ACAD11: variants seen among roughly 807,000 people sequenced by gnomAD.
The protein encoded by ACAD11 is acyl-Coenzyme A dehydrogenase family, member 11.
ACAD11 carries 83 observed loss-of-function variants against 102.2 expected under a neutral mutation model. The observed-to-expected ratio is 0.81, with a 90% CI of 0.68 to 0.97. The LOEUF is 0.97. ACAD11 is among the 50% of genes least tolerant of loss of function. The probability of loss-of-function intolerance (pLI) is 0.00; values close to 1 mark genes in which losing one functional copy is unlikely to be tolerated. For missense variants in ACAD11, 901 were observed against 951.7 expected (o/e 0.95, Z 0.70); for synonymous variants, 324 against 319.8 (o/e 1.01, Z -0.14).
At chr3:132,649,457 A>C (rs545284233) in intron 1 of ACAD11, among the ~76,000 whole-genome samples, 1 of 152,310 alleles carries the variant, frequency 6.6e-6, no homozygotes, top group South Asian at 2.1e-4. Context: ...GAAAAGCATA[A>C]ATCTGGCCTA....
chr3:132,639,998 T>TCACACA lies in ACAD11; in HGVS notation c.538-348_538-343dup, dbSNP rs539317705. Among the ~76,000 whole-genome samples the TCACACA allele has an allele frequency of 2.6e-3, 378 of 147,148 alleles. 2 individuals carry two copies. The highest frequency in any genetic ancestry group is 9.0e-3 in the African/African-American group (362 of 40,438). On this transcript the variant is annotated intron_variant, in intron 4 of 19. Transcript: ENST00000264990. ...CACACACGCACACACACACTCTCTC[T>TCACACA]CACACACACACACACACACACAAAT... is the stretch of plus-strand genomic sequence containing the variant.
chr3:132,573,117 C>T (rs1213930940), intron 17 of ACAD11, among the ~76,000 whole-genome samples: 1 of 152,090 alleles, frequency 6.6e-6, no homozygotes, highest in African/African-American at 2.4e-5. Flanking sequence ...GTGTGTTGTT[C>T]CCCTCCCCAT....
At chr3:132,640,976 T>G (rs1232682467) in intron 4 of ACAD11, among the ~76,000 whole-genome samples, 2 of 152,092 alleles carry the variant, frequency 1.3e-5, no homozygotes, top group African/African-American at 4.8e-5. Context: ...ATAAGATATC[T>G]CTCCCAGGAA....
chr3:132,597,997 G>A (rs7626429), intron 13 of ACAD11, among the ~76,000 whole-genome samples: 27 of 152,006 alleles, frequency 1.8e-4, no homozygotes, highest in African/African-American at 6.5e-4. Flanking sequence ...TCTTCTATGT[G>A]GTGTCTTTCT....
At chr3:132,630,288 G>T in intron 7 of ACAD11, 149 bp downstream of exon 7, 1 of 887,302 alleles carries the variant, frequency 1.1e-6, no homozygotes, top group Admixed American at 3.1e-5. Flanking sequence ...GTAAATTCTG[G>T]ATTTATATTT....
chr3:132,572,431 A>G (rs1937406859), intron 17 of ACAD11, among the ~76,000 whole-genome samples: 1 of 152,236 alleles, frequency 6.6e-6, no homozygotes, highest in Non-Finnish European at 1.5e-5. Context: ...ATGCTCATGG[A>G]TATGAAGAAT....
At chr3:132,577,062 A>T in intron 15 of ACAD11, 47 bp from the exon 16 acceptor site, 1 of 1,119,480 alleles carries the variant, frequency 8.9e-7, no homozygotes, top group Non-Finnish European at 1.3e-6. Context: ...TTGACTAAAA[A>T]AGAGTCACAT....
chr3:132,589,892 G>T (rs1213243200), intron 13 of ACAD11, among the ~76,000 whole-genome samples: 1 of 152,044 alleles, frequency 6.6e-6, no homozygotes, highest in Non-Finnish European at 1.5e-5. Flanking sequence ...GCAGACCTCT[G>T]TGTCTGTTGT....
intron 13 of ACAD11, among the ~76,000 whole-genome samples, chr3:132,595,919 T>TTACTGGGTATA (rs1938284453): frequency 6.6e-6 from 1 of 152,154 alleles, no homozygotes; most frequent in Non-Finnish European, 1.5e-5. Context: ...AACAATTCCA[T>TTACTGGGTATA]TACTGGGTAT....
chr3:132,607,415 T>C (rs900638766), intron 11 of ACAD11, among the ~76,000 whole-genome samples: 1 of 152,118 alleles, frequency 6.6e-6, no homozygotes, highest in African/African-American at 2.4e-5. Flanking sequence ...ATAACCAGTT[T>C]AGAGAAGACC....
intron 1 of ACAD11, among the ~76,000 whole-genome samples, chr3:132,657,412 C>A (rs1309570147): frequency 6.6e-6 from 1 of 152,150 alleles, no homozygotes; most frequent in African/African-American, 2.4e-5. Context: ...TTTCTGCTAT[C>A]CTTAGCCCTT....
chr3:132,574,134 G>A (rs956151167), intron 17 of ACAD11, among the ~76,000 whole-genome samples: 1 of 152,200 alleles, frequency 6.6e-6, no homozygotes, highest in Admixed American at 6.5e-5. Context: ...ACACCACTCA[G>A]GAAAGCAGCA....
chr3:132,602,509 T>G lies in ACAD11; in HGVS notation c.1621+720A>C, dbSNP rs75518936. Among the ~76,000 whole-genome samples the G allele has an allele frequency of 2.6e-3, 396 of 152,290 alleles. 2 individuals carry two copies. The highest frequency in any genetic ancestry group is 9.0e-3 in the African/African-American group (373 of 41,568). ...ACACTTTATTTTTGAGTAATAAAAA[T>G]ATGTACCACAATAAATTATTGTTAA... On this transcript the variant is annotated intron_variant, in intron 13 of 19. Coordinates refer to ENST00000264990, the MANE Select transcript of ACAD11 (RefSeq NM_032169.5).
intron 13 of ACAD11, among the ~76,000 whole-genome samples, chr3:132,598,493 T>C (rs554561280): frequency 1.3e-5 from 2 of 152,332 alleles, no homozygotes; most frequent in East Asian, 3.9e-4. Context: ...GGTCATGCTT[T>C]GAGGAACTTA....
intron 11 of ACAD11, among the ~76,000 whole-genome samples, chr3:132,609,114 C>G (rs1457486113): frequency 6.6e-6 from 1 of 152,060 alleles, no homozygotes; most frequent in African/African-American, 2.4e-5. Context: ...ACACAATGTA[C>G]CAGAATCTCT....
At chr3:132,584,615 G>T (rs1481300198) in intron 13 of ACAD11, among the ~76,000 whole-genome samples, 1 of 152,070 alleles carries the variant, frequency 6.6e-6, no homozygotes, top group Non-Finnish European at 1.5e-5. Context: ...ATGTTAGCTG[G>T]TTATTTTGCT....
rs1184349755 is a variant in ACAD11, at chr3:132,559,004, C to T, written c.2310G>A (p.Arg770=). 1 of 1,613,578 alleles carries T rather than the reference C, an allele frequency of 6.2e-7. No individual in the cohort carries two copies. Among genetic ancestry groups the T allele is most frequent in the Non-Finnish European group, 8.5e-7 (1 of 1,179,760 alleles). The change falls in exon 20 of 20, where the codon CGG becomes CGA. Residue 770 remains arginine, a synonymous_variant. Coordinates refer to ENST00000264990, the MANE Select transcript of ACAD11 (RefSeq NM_032169.5). ...HLSAIATMEL[R]DQAKRLTAKI is the part of the protein sequence containing the mutation. ...TGGCTGTCAGTCTTTTGGCTTGGTCCCGCAGCTCCATTGTTGCGATTGCTG... is the reference window on the plus strand; with the variant it reads ...TGGCTGTCAGTCTTTTGGCTTGGTCTCGCAGCTCCATTGTTGCGATTGCTG...
intron 17 of ACAD11, among the ~76,000 whole-genome samples, chr3:132,574,563 A>G (rs1937476502): frequency 6.6e-6 from 1 of 152,246 alleles, no homozygotes; most frequent in Non-Finnish European, 1.5e-5. Flanking sequence ...TAAAAAATAC[A>G]TACTGCAAAT....
At chr3:132,613,100 A>G (rs1313906039) in intron 11 of ACAD11, among the ~76,000 whole-genome samples, 1 of 151,972 alleles carries the variant, frequency 6.6e-6, no homozygotes, top group East Asian at 1.9e-4. Context: ...GCTGGAAACC[A>G]TCATTCTCAG....
Sources: gnomAD v4.1 joint callset for allele counts (sites outside exome capture counted in the v4.1 genomes callset) on GRCh38, gnomAD v4.1.1 for gene constraint, MANE v1.5 for transcripts, NCBI Gene and HGNC (gene_info 2026-07-23, HGNC 2026-07-21) for gene names.